The following GMDS variants were observed in gnomAD, a reference collection of about 807,000 sequenced individuals.
The protein encoded by GMDS is GDP-mannose 4,6 dehydratase.
A neutral mutation model predicts 49.9 loss-of-function variants in GMDS; 20 were observed. The observed-to-expected ratio is 0.40, with a 90% CI of 0.28 to 0.58. The LOEUF (loss-of-function observed/expected upper bound fraction) is 0.58, where lower values mean the gene tolerates loss of function less well. GMDS is among the 20% of genes least tolerant of loss of function. GMDS has a pLI of 0.42. For synonymous variants in GMDS, 177 were observed against 178.6 expected, an observed-to-expected ratio of 0.99 and a Z score of 0.07; for missense variants, 362 against 481.4, an observed-to-expected ratio of 0.75 and a Z score of 2.32.
intron 1 of GMDS, among the ~76,000 whole-genome samples, chr6:2,193,843 C>G (rs965672410): frequency 6.6e-6 from 1 of 150,778 alleles, no homozygotes; most frequent in Admixed American, 6.6e-5. Flanking sequence ...CCTGCCTCAG[C>G]CTCCCAAGTA....
intron 9 of GMDS, among the ~76,000 whole-genome samples, chr6:1,646,406 C>A (rs2745564): frequency 1.3e-5 from 2 of 151,916 alleles, no homozygotes; most frequent in African/African-American, 2.4e-5. Flanking sequence ...AAACTCTCAC[C>A]CTGACCTCCA....
At chr6:1,631,883 G>A (rs2569856) in intron 9 of GMDS, among the ~76,000 whole-genome samples, 90,839 of 152,018 alleles carry the variant, frequency 0.6, 27,915 homozygotes, top group East Asian at 0.79. Flanking sequence ...GACAATTACT[G>A]TGATATCTGT....
intron 4 of GMDS, among the ~76,000 whole-genome samples, chr6:2,089,867 T>A (rs770200375): frequency 6.6e-6 from 1 of 152,190 alleles, no homozygotes; most frequent in African/African-American, 2.4e-5. Context: ...CTGCTCTGCG[T>A]AGCACAAAAG....
At chr6:1,863,109 A>G (rs935016849) in intron 7 of GMDS, among the ~76,000 whole-genome samples, 5 of 152,164 alleles carry the variant, frequency 3.3e-5, no homozygotes, top group Admixed American at 2.6e-4. Context: ...ATTAAATTCA[A>G]AGGTTTCTGA....
intron 4 of GMDS, among the ~76,000 whole-genome samples, chr6:2,023,980 A>G (rs1460769675): frequency 2.6e-5 from 4 of 152,202 alleles, no homozygotes; most frequent in African/African-American, 9.6e-5. Flanking sequence ...GTTAAAAGAC[A>G]AGATTAACCC....
intron 1 of GMDS, among the ~76,000 whole-genome samples, chr6:2,237,959 G>T (rs1182692939): frequency 6.6e-6 from 1 of 152,174 alleles, no homozygotes; most frequent in Non-Finnish European, 1.5e-5. Context: ...TAATTTTCAT[G>T]CCTTCTAAGT....
intron 7 of GMDS, among the ~76,000 whole-genome samples, chr6:1,915,594 T>C (rs7764600): frequency 0.079 from 11,996 of 152,224 alleles, 546 homozygotes; most frequent in South Asian, 0.16. Flanking sequence ...AATATGACAG[T>C]ATCTGTATCT....
chr6:1,872,531 A>C (rs945750146), intron 7 of GMDS, among the ~76,000 whole-genome samples: 2 of 152,226 alleles, frequency 1.3e-5, no homozygotes, highest in Non-Finnish European at 2.9e-5. Context: ...AAAATAGCCC[A>C]CATTTGCCAG....
chr6:1,700,945 G>A (rs547406046), intron 9 of GMDS, among the ~76,000 whole-genome samples: 1 of 152,162 alleles, frequency 6.6e-6, no homozygotes, highest in African/African-American at 2.4e-5. Flanking sequence ...TATCCTATTC[G>A]TAAATCATAA....
intron 4 of GMDS, among the ~76,000 whole-genome samples, chr6:2,010,279 A>T (rs1220065555): frequency 2.0e-5 from 3 of 150,932 alleles, no homozygotes; most frequent in Non-Finnish European, 4.4e-5. Context: ...GGGAGCCGAG[A>T]TCGTGCCATT....
chr6:2,133,991 G>A (rs1390084921), intron 1 of GMDS, among the ~76,000 whole-genome samples: 1 of 152,198 alleles, frequency 6.6e-6, no homozygotes, highest in African/African-American at 2.4e-5. Context: ...GTTAGGTTGT[G>A]CTATATTGTG....
chr6:2,161,668 A>G (rs1318707543), intron 1 of GMDS, among the ~76,000 whole-genome samples: 1 of 152,254 alleles, frequency 6.6e-6, no homozygotes, highest in Admixed American at 6.5e-5. Flanking sequence ...TGTGACCTTC[A>G]AACCAATCAG....
chr6:2,091,943 A>G (rs142620759), intron 4 of GMDS, among the ~76,000 whole-genome samples: 1 of 152,182 alleles, frequency 6.6e-6, no homozygotes, highest in South Asian at 2.1e-4. Context: ...ATGAATCTAC[A>G]TAACAAAAAG....
At chr6:2,175,783 T>TAC in intron 1 of GMDS, 1 of 566,848 alleles carries the variant, frequency 1.8e-6, no homozygotes, top group Non-Finnish European at 3.1e-6. Context: ...AATTATTATT[T>TAC]TTATAGCTAA....
At chr6:2,122,209 T>TA (rs1775176568) in intron 2 of GMDS, among the ~76,000 whole-genome samples, 1 of 152,228 alleles carries the variant, frequency 6.6e-6, no homozygotes, top group South Asian at 2.1e-4. Context: ...TGATCTCATC[T>TA]AAACCTTTAG....
At position 1,624,065 on chromosome 6, in the gene GMDS, G is replaced by A. The variant is rs986970601; in HGVS notation, c.*104C>T. On this transcript the variant is annotated 3_prime_UTR_variant, in exon 11 of 11. Coordinates refer to ENST00000380815, the MANE Select transcript of GMDS (RefSeq NM_001500.4). ...AGCGCAGCGGCAGCAGGGGCCGCAGGGGACCCGCAGATTGGCACGCCGCTC... is the reference window on the plus strand; with the variant it reads ...AGCGCAGCGGCAGCAGGGGCCGCAGAGGACCCGCAGATTGGCACGCCGCTC... 4 of 1,020,514 alleles carry A rather than the reference G, an allele frequency of 3.9e-6. No homozygotes were observed. Among genetic ancestry groups the A allele is most frequent in the Non-Finnish European group, 5.9e-6 (4 of 682,706 alleles). The allele number at this position is 1,020,514 out of a possible 1,614,324, so 63.2% of individuals were successfully genotyped here.
At chr6:2,179,826 GC>G (rs1173920373) in intron 1 of GMDS, among the ~76,000 whole-genome samples, 1 of 151,976 alleles carries the variant, frequency 6.6e-6, no homozygotes, top group Admixed American at 6.6e-5. Flanking sequence ...TTTAGAAGAA[GC>G]CCTGAAGTTT....
intron 9 of GMDS, among the ~76,000 whole-genome samples, chr6:1,709,209 A>AGCCAC (rs1213628249): frequency 6.6e-6 from 1 of 152,264 alleles, no homozygotes; most frequent in Admixed American, 6.5e-5. Context: ...CCAGAGTGCC[A>AGCCAC]GCCACCCTTG....
At chr6:1,878,426 G>A (rs1759203820) in intron 7 of GMDS, among the ~76,000 whole-genome samples, 1 of 151,884 alleles carries the variant, frequency 6.6e-6, no homozygotes, top group African/African-American at 2.4e-5. Flanking sequence ...AAGATTCTAG[G>A]AGATGTTAGC....
Sources: gnomAD v4.1 joint callset for allele counts (sites outside exome capture counted in the v4.1 genomes callset) on GRCh38, gnomAD v4.1.1 for gene constraint, MANE v1.5 for transcripts, NCBI Gene and HGNC (gene_info 2026-07-23, HGNC 2026-07-21) for gene names.